GALNT17: variants seen among roughly 807,000 people sequenced by gnomAD.
The protein encoded by GALNT17 is polypeptide N-acetylgalactosaminyltransferase 17.
In GALNT17, 29 loss-of-function variants were observed where a neutral mutation model predicts 63.7. The ratio of observed to expected loss-of-function variants is 0.46; its 90% confidence interval spans 0.34 to 0.62. GALNT17 has a LOEUF of 0.62. GALNT17 is among the 20% of genes least tolerant of loss of function. The pLI, the probability that GALNT17 is intolerant of heterozygous loss-of-function variation, is 0.01. For synonymous variants in GALNT17, 305 were observed against 318.3 expected, an observed-to-expected ratio of 0.96 and a Z score of 0.45; for missense variants, 603 against 799.6, an observed-to-expected ratio of 0.75 and a Z score of 2.97.
chr7:71,432,618 G>A (rs1786888236), intron 5 of GALNT17, among the ~76,000 whole-genome samples: 2 of 152,144 alleles, frequency 1.3e-5, no homozygotes, highest in African/African-American at 2.4e-5. Context: ...ACATAATGAA[G>A]ATGAGTTGTT....
At chr7:71,459,778 C>G (rs1333556373) in intron 5 of GALNT17, among the ~76,000 whole-genome samples, 2 of 152,104 alleles carry the variant, frequency 1.3e-5, no homozygotes, top group South Asian at 2.1e-4. Context: ...AAGAGATTAC[C>G]TGACAGTCTA....
At chr7:71,249,139 A>C (rs1790152750) in intron 1 of GALNT17, among the ~76,000 whole-genome samples, 1 of 152,248 alleles carries the variant, frequency 6.6e-6, no homozygotes, top group Admixed American at 6.5e-5. Context: ...CAAAACTCAC[A>C]GCCAATATTT....
intron 1 of GALNT17, among the ~76,000 whole-genome samples, chr7:71,223,082 C>T (rs1789616591): frequency 6.6e-6 from 1 of 151,988 alleles, no homozygotes; most frequent in African/African-American, 2.4e-5. Context: ...CCCCCTACCC[C>T]CAAAAAAGAT....
chr7:71,270,522 ACCCT>A (rs1253879299), intron 1 of GALNT17, among the ~76,000 whole-genome samples: 1 of 118,896 alleles, frequency 8.4e-6, no homozygotes, highest in African/African-American at 3.4e-5. Context: ...GAGACTACGT[ACCCT>A]CCCCACCCCA....
In GALNT17 at chr7:71,144,931, T is replaced by C. The variant is rs1459739073; in HGVS notation, c.238+11891T>C. 2.0e-5 allele frequency among the ~76,000 whole-genome samples: 3 copies of C among 152,154 alleles called. No individual in the cohort carries two copies. In the South Asian group the frequency reaches 6.2e-4, roughly 32 times the overall value. ...TTTTAGTAGAGATGGGGTTTCACCA[T>C]GTTAGCCAGGATGGTCTTGATCTCC... On this transcript the variant is annotated intron_variant, in intron 1 of 10. Coordinates refer to ENST00000333538, the MANE Select transcript of GALNT17 (RefSeq NM_022479.3).
At chr7:71,534,153 A>G (rs572983150) in intron 5 of GALNT17, among the ~76,000 whole-genome samples, 1 of 152,250 alleles carries the variant, frequency 6.6e-6, no homozygotes, top group Non-Finnish European at 1.5e-5. Context: ...GTAATTTATA[A>G]AGGAAAGAGG....
chr7:71,146,715 G>C (rs927522664), intron 1 of GALNT17, among the ~76,000 whole-genome samples: 1 of 152,174 alleles, frequency 6.6e-6, no homozygotes, highest in Non-Finnish European at 1.5e-5. Flanking sequence ...TCTTTAGACT[G>C]CTCTGACATG....
At chr7:71,474,483 G>T (rs1787691057) in intron 5 of GALNT17, among the ~76,000 whole-genome samples, 1 of 152,098 alleles carries the variant, frequency 6.6e-6, no homozygotes, top group African/African-American at 2.4e-5. Context: ...TTGTGAGCAT[G>T]AATGAGTTAC....
chr7:71,139,443 G>C (rs1787845758), intron 1 of GALNT17, among the ~76,000 whole-genome samples: 1 of 152,210 alleles, frequency 6.6e-6, no homozygotes, highest in Non-Finnish European at 1.5e-5. Flanking sequence ...GAAGGATAGT[G>C]AATAGAAGTG....
At chr7:71,307,962 GGGGCACAGCA>G (rs1293681061) in intron 1 of GALNT17, among the ~76,000 whole-genome samples, 1 of 151,816 alleles carries the variant, frequency 6.6e-6, no homozygotes. Context: ...TGGGAGAAAA[GGGGCACAGCA>G]GGTGGGTAGG....
At chr7:71,698,167 T>C (rs1218981974) in intron 9 of GALNT17, among the ~76,000 whole-genome samples, 17 of 151,340 alleles carry the variant, frequency 1.1e-4, no homozygotes, top group Non-Finnish European at 5.9e-5. Flanking sequence ...AAAGTGGTTG[T>C]ATCAGTGAGC....
chr7:71,248,497 A>G (rs975561529), intron 1 of GALNT17, among the ~76,000 whole-genome samples: 1 of 152,242 alleles, frequency 6.6e-6, no homozygotes, highest in African/African-American at 2.4e-5. Flanking sequence ...AAATAAAGAC[A>G]GAAACATACA....
intron 1 of GALNT17, among the ~76,000 whole-genome samples, chr7:71,320,911 T>C (rs1161550160): frequency 2.0e-5 from 3 of 152,232 alleles, no homozygotes; most frequent in Non-Finnish European, 4.4e-5. Flanking sequence ...ACCCACGTGA[T>C]AGCAGAAATT....
At chr7:71,686,017 C>T (rs1162775924) in intron 9 of GALNT17, among the ~76,000 whole-genome samples, 9 of 121,522 alleles carry the variant, frequency 7.4e-5, no homozygotes, top group South Asian at 2.7e-4. Context: ...TGCAGTGGTG[C>T]GATCTTGGCT....
At chr7:71,670,899 T>TGC (rs1791059613) in intron 8 of GALNT17, among the ~76,000 whole-genome samples, 2 of 103,120 alleles carry the variant, frequency 1.9e-5, no homozygotes, top group African/African-American at 2.5e-5. Context: ...TGTGTGTGTG[T>TGC]GTGCGTGTGT....
At chr7:71,178,903 A>G (rs1468269320) in intron 1 of GALNT17, among the ~76,000 whole-genome samples, 2 of 151,782 alleles carry the variant, frequency 1.3e-5, no homozygotes, top group Non-Finnish European at 2.9e-5. Context: ...TTCAGATTAT[A>G]TTTTTTCATT....
Position 71,421,004 on chromosome 7 carries a change from G to T in GALNT17, c.861G>T (p.Arg287=). 2 of 1,614,170 alleles carry T rather than the reference G, an allele frequency of 1.2e-6. No homozygotes were observed. The highest frequency in any genetic ancestry group is 2.2e-5 in the South Asian group (2 of 91,084). ...AACAGGACAACTTTGAGGTGCAGCG[G>T]TACGAGAACTCGGCCCACGGGTACA... ...NIKQDNFEVQ[R]YENSAHGYSW... The change falls in exon 5 of 11, where the codon CGG becomes CGT. Residue 287 remains arginine, a synonymous_variant. Coordinates refer to ENST00000333538, the MANE Select transcript of GALNT17 (RefSeq NM_022479.3).
At chr7:71,466,528 T>C (rs1002286176) in intron 5 of GALNT17, among the ~76,000 whole-genome samples, 69 of 152,334 alleles carry the variant, frequency 4.5e-4, no homozygotes, top group Non-Finnish European at 4.4e-4. Context: ...AGCTGTTTCT[T>C]GTGGGGGAAA....
rs1298161111 is a variant in GALNT17 at position 71,292,649 on chromosome 7, GAGAC to G, written c.239-42897_239-42894del. On this transcript the variant is annotated intron_variant, in intron 1 of 10. Coordinates refer to ENST00000333538, the MANE Select transcript of GALNT17 (RefSeq NM_022479.3). ...TTTGGGAGAGGGAGAGAGAGAGAGA[GAGAC>G]AGAGAGAGAGAGAGAGTGTGTGTGT... 1.6e-3 allele frequency among the ~76,000 whole-genome samples: 153 copies of G among 96,080 alleles called. No homozygotes were observed. In the South Asian group the frequency reaches 0.021, roughly 13 times the overall value. The allele number at this position is 96,080 out of a possible 152,430, so 63.0% of individuals were successfully genotyped here.
Sources: allele counts gnomAD v4.1 joint callset (sites outside exome capture counted in the v4.1 genomes callset), GRCh38; gene constraint gnomAD v4.1.1; transcripts MANE v1.5; gene names NCBI Gene and HGNC (gene_info 2026-07-23, HGNC 2026-07-21).